Variants in GFPT1 observed in about 807,000 individuals in gnomAD.
GFPT1 encodes glutamine--fructose-6-phosphate transaminase 1.
In GFPT1, 40 loss-of-function variants were observed where a neutral mutation model predicts 92.0. The ratio of observed to expected loss-of-function variants is 0.43; its 90% confidence interval spans 0.34 to 0.57. The LOEUF (loss-of-function observed/expected upper bound fraction) is 0.57, where lower values mean the gene tolerates loss of function less well. Ranked by LOEUF, GFPT1 falls within the 20% of genes least tolerant of loss-of-function variation. The pLI is 0.02. For missense variants in GFPT1, 448 were observed against 869.1 expected, an observed-to-expected ratio of 0.52 and a Z score of 6.09; for synonymous variants, 269 against 280.6, an observed-to-expected ratio of 0.96 and a Z score of 0.41.
chr2:69,332,387 A>G (rs1345662313), intron 15 of GFPT1, among the ~76,000 whole-genome samples: 1 of 145,102 alleles, frequency 6.9e-6, no homozygotes, highest in Non-Finnish European at 1.5e-5. Context: ...ATCTTGGCTC[A>G]CTGCAACCTC....
At chr2:69,384,693 C>CAAAAAAAAAAA (rs71964630) in intron 1 of GFPT1, among the ~76,000 whole-genome samples, 76 of 106,390 alleles carry the variant, frequency 7.1e-4, no homozygotes, top group East Asian at 1.4e-3. Context: ...GGCCCCGTCA[C>CAAAAAAAAAAA]AAAAAAAAAA....
intron 15 of GFPT1, among the ~76,000 whole-genome samples, chr2:69,332,488 G>C (rs557016820): frequency 5.3e-5 from 8 of 150,848 alleles, no homozygotes; most frequent in African/African-American, 1.7e-4. Flanking sequence ...TAATTTTCTC[G>C]TGTTTTTTTA....
At chr2:69,335,465 G>C (rs1004584122) in intron 15 of GFPT1, among the ~76,000 whole-genome samples, 1 of 152,126 alleles carries the variant, frequency 6.6e-6, no homozygotes, top group Admixed American at 6.5e-5. Flanking sequence ...AAAAGATTAA[G>C]TCAATGGCAT....
chr2:69,329,175 T>C, intron 17 of GFPT1, 122 bp downstream of exon 17: 6 of 948,820 alleles, frequency 6.3e-6, no homozygotes, highest in Non-Finnish European at 1.0e-5. Context: ...CAAACCACAA[T>C]GCATAAATAC....
chr2:69,363,175 C>G (rs2104665133), intron 4 of GFPT1, among the ~76,000 whole-genome samples: 1 of 152,330 alleles, frequency 6.6e-6, no homozygotes, highest in East Asian at 1.9e-4. Flanking sequence ...GTGACCACGG[C>G]TCACTGCAGC....
At chr2:69,329,067 C>A (rs1670598448) in intron 17 of GFPT1, among the ~76,000 whole-genome samples, 1 of 152,006 alleles carries the variant, frequency 6.6e-6, no homozygotes, top group South Asian at 2.1e-4. Context: ...ACAAATTAAC[C>A]CAAGTTACTT....
At chr2:69,352,889 T>C (rs1373202868) in intron 9 of GFPT1, among the ~76,000 whole-genome samples, 2 of 151,320 alleles carry the variant, frequency 1.3e-5, no homozygotes, top group Non-Finnish European at 2.9e-5. Context: ...CTACTAAAAA[T>C]ACAAAAGTTA....
In GFPT1 at chr2:69,358,004, C is replaced by T. The variant is rs567877315; in HGVS notation, c.543+325G>A. Among the ~76,000 whole-genome samples, 119 of 152,296 alleles carry T rather than the reference C, an allele frequency of 7.8e-4. No individual in the cohort carries two copies. The Middle Eastern group carries it at 0.017, about 22-fold the overall frequency. On this transcript the variant is annotated intron_variant, in intron 6 of 19. Transcript: ENST00000357308. ...AGCAAGAAGCAAGGGAATAACTAAT[C>T]CTCCATCGTGTGTACTGTGTACATG...
At chr2:69,364,169 C>T (rs1671551264) in intron 3 of GFPT1, among the ~76,000 whole-genome samples, 1 of 151,172 alleles carries the variant, frequency 6.6e-6, no homozygotes, top group Admixed American at 6.6e-5. Context: ...CAAGACATCT[C>T]ATGTACCCAG....
chr2:69,369,220 C>T (rs1465187060), intron 3 of GFPT1, among the ~76,000 whole-genome samples: 1 of 151,802 alleles, frequency 6.6e-6, no homozygotes, highest in Non-Finnish European at 1.5e-5. Flanking sequence ...ACAAGTACTA[C>T]AGAGCTAAAC....
rs1193098067 is a variant in GFPT1, at chr2:69,322,209, A to G, written c.*3980T>C. 1.3e-5 allele frequency: 2 copies of G among 152,328 alleles called. No homozygotes were observed. The highest frequency in any genetic ancestry group is 1.9e-4 in the East Asian group (1 of 5,190). The allele number at this position is 152,328 out of a possible 1,614,324, so 9.4% of individuals were successfully genotyped here. ...TACACAAAATTTACTAAATATGTGA[A>G]TATCATAAAATGAAAATATCACTCC... On this transcript the variant is annotated 3_prime_UTR_variant, in exon 20 of 20. Transcript: ENST00000357308.
At chr2:69,338,692 A>C in intron 13 of GFPT1, 127 bp from the exon 14 acceptor site, 1 of 807,394 alleles carries the variant, frequency 1.2e-6, no homozygotes, top group Non-Finnish European at 2.0e-6. Context: ...AAATAAAAAC[A>C]ACCCAGATTA....
chr2:69,360,284 C>T (rs1671436508), intron 4 of GFPT1, among the ~76,000 whole-genome samples: 2 of 146,754 alleles, frequency 1.4e-5, no homozygotes, highest in African/African-American at 2.5e-5. Context: ...AGCCGAGATC[C>T]CACCACTGCA....
intron 3 of GFPT1, among the ~76,000 whole-genome samples, chr2:69,364,471 A>G (rs999427318): frequency 7.9e-5 from 12 of 152,244 alleles, no homozygotes; most frequent in African/African-American, 2.9e-4. Context: ...CTTGCCTTAA[A>G]AAGTCATTAT....
chr2:69,324,615 T>C lies in GFPT1; in HGVS notation c.*1574A>G, dbSNP rs563619501. 3.9e-5 allele frequency: 6 copies of C among 152,300 alleles called. No individual in the cohort carries two copies. The highest frequency in any genetic ancestry group is 1.4e-4 in the African/African-American group (6 of 41,578). The allele number at this position is 152,300 out of a possible 1,614,324, so 9.4% of individuals were successfully genotyped here. On this transcript the variant is annotated 3_prime_UTR_variant, in exon 20 of 20. Transcript: ENST00000357308. ...ACCCTAAGACACAAGCAGAATTCTATGCTTCTCTGGCAACAACAATAACTA... is the reference window on the plus strand; with the variant it reads ...ACCCTAAGACACAAGCAGAATTCTACGCTTCTCTGGCAACAACAATAACTA...
chr2:69,364,359 A>G (rs1359470077), intron 3 of GFPT1, among the ~76,000 whole-genome samples: 3 of 152,252 alleles, frequency 2.0e-5, no homozygotes, highest in African/African-American at 7.2e-5. Flanking sequence ...TGAAGTATAT[A>G]TAGGTAATAA....
chr2:69,375,057 T>A (rs944274293), intron 1 of GFPT1, among the ~76,000 whole-genome samples: 1 of 152,174 alleles, frequency 6.6e-6, no homozygotes, highest in Non-Finnish European at 1.5e-5. Flanking sequence ...TAATACAATG[T>A]GAACTGAACG....
intron 3 of GFPT1, 90 bp from the exon 4 acceptor site, chr2:69,363,760 T>C: frequency 1.1e-6 from 1 of 906,020 alleles, no homozygotes. Context: ...ATTACAATGC[T>C]GCTCTCTTGG....
chr2:69,336,627 C>T (rs1355318330), intron 15 of GFPT1, among the ~76,000 whole-genome samples: 1 of 134,714 alleles, frequency 7.4e-6, no homozygotes, highest in Admixed American at 7.7e-5. Flanking sequence ...CATAGTGAGA[C>T]CCCATCTTAA....
Sources: gnomAD v4.1 joint callset for allele counts (sites outside exome capture counted in the v4.1 genomes callset) on GRCh38, gnomAD v4.1.1 for gene constraint, MANE v1.5 for transcripts, NCBI Gene and HGNC (gene_info 2026-07-23, HGNC 2026-07-21) for gene names.